Variants in MACROD2 observed in about 807,000 individuals in gnomAD.
The protein encoded by MACROD2 is ADP-ribose glycohydrolase MACROD2.
A neutral mutation model predicts 70.4 loss-of-function variants in MACROD2; 36 were observed. The ratio of observed to expected loss-of-function variants is 0.51; its 90% CI spans 0.39 to 0.68. The LOEUF is 0.68. MACROD2 is among the 30% of genes least tolerant of loss of function. The pLI is 0.00. For missense variants in MACROD2, 496 were observed against 538.4 expected (o/e 0.92, Z 0.78); for synonymous variants, 172 against 178.8 (o/e 0.96, Z 0.30).
At chr20:14,009,908 G>T (rs2052878077) in intron 2 of MACROD2, among the ~76,000 whole-genome samples, 1 of 152,188 alleles carries the variant, frequency 6.6e-6, no homozygotes, top group Non-Finnish European at 1.5e-5. Context: ...ACTTTTATGT[G>T]GGAGCAGAAT....
chr20:15,513,949 CCTAGG>C (rs1203029533), intron 8 of MACROD2, among the ~76,000 whole-genome samples: 2 of 152,004 alleles, frequency 1.3e-5, no homozygotes, highest in Non-Finnish European at 2.9e-5. Flanking sequence ...CTGATGTGGG[CCTAGG>C]CTAATGAGTG....
rs530517024 is a variant in MACROD2, at chr20:14,821,961, T to C, written c.418+137002T>C. The stretch of plus-strand genomic sequence containing the variant: ...CTACAAGTATAGTTGTTTTATTTCA[T>C]ACTTCTAAATGGATGTTTGATATTG... On this transcript the variant is annotated intron_variant, in intron 5 of 17. Transcript: ENST00000684519. Among the ~76,000 whole-genome samples, 115 of 152,230 alleles carry C rather than the reference T, an allele frequency of 7.6e-4. 2 individuals carry two copies. The highest frequency in any genetic ancestry group is 2.7e-3 in the African/African-American group (114 of 41,550).
chr20:14,603,223 G>A (rs1367153863), intron 4 of MACROD2, among the ~76,000 whole-genome samples: 3 of 152,108 alleles, frequency 2.0e-5, no homozygotes, highest in Admixed American at 2.0e-4. Context: ...TTAATAGCTT[G>A]TTATATACAG....
intron 5 of MACROD2, among the ~76,000 whole-genome samples, chr20:14,979,036 C>T (rs556184684): frequency 2.7e-5 from 4 of 150,332 alleles, no homozygotes; most frequent in Admixed American, 1.3e-4. Flanking sequence ...ACTGCAACCT[C>T]GGACTCCTGG....
chr20:15,511,382 AGTT>A (rs2047497359), intron 8 of MACROD2, among the ~76,000 whole-genome samples: 1 of 152,124 alleles, frequency 6.6e-6, no homozygotes, highest in African/African-American at 2.4e-5. Context: ...AAAGACTTTT[AGTT>A]GTTGTTGCTT....
intron 5 of MACROD2, among the ~76,000 whole-genome samples, chr20:14,756,888 C>T (rs142820616): frequency 4.6e-5 from 7 of 152,094 alleles, no homozygotes; most frequent in East Asian, 1.9e-4. Flanking sequence ...TGGGATCTGA[C>T]GGTCTTATAA....
chr20:14,423,683 G>C (rs576381004), intron 3 of MACROD2, among the ~76,000 whole-genome samples: 3 of 126,388 alleles, frequency 2.4e-5, no homozygotes, highest in South Asian at 2.9e-4. Flanking sequence ...CTGGACGACA[G>C]AGCGAGACTC....
intron 2 of MACROD2, among the ~76,000 whole-genome samples, chr20:14,020,987 CTTT>C (rs1163077387): frequency 1.8e-5 from 2 of 111,544 alleles, no homozygotes; most frequent in Non-Finnish European, 3.6e-5. Flanking sequence ...TTTGAATATT[CTTT>C]TTTTTTTTTT....
intron 3 of MACROD2, among the ~76,000 whole-genome samples, chr20:14,194,633 G>C (rs770726494): frequency 6.6e-6 from 1 of 152,158 alleles, no homozygotes; most frequent in Non-Finnish European, 1.5e-5. Context: ...CTTCCCCTGA[G>C]TCAGATGGAG....
At chr20:14,521,172 G>A (rs540728043) in intron 4 of MACROD2, among the ~76,000 whole-genome samples, 7 of 152,150 alleles carry the variant, frequency 4.6e-5, no homozygotes, top group Admixed American at 2.0e-4. Context: ...TTTCTAAAAT[G>A]TGCCCTTCCT....
At chr20:15,772,920 G>A (rs945957520) in intron 8 of MACROD2, among the ~76,000 whole-genome samples, 9 of 152,096 alleles carry the variant, frequency 5.9e-5, no homozygotes, top group African/African-American at 2.2e-4. Context: ...GATCTTGTGA[G>A]AACTCACTAT....
intron 3 of MACROD2, among the ~76,000 whole-genome samples, chr20:14,485,305 C>T (rs919918618): frequency 1.3e-5 from 2 of 152,134 alleles, no homozygotes; most frequent in African/African-American, 4.8e-5. Flanking sequence ...CATATTATTT[C>T]ATTAGTTAGA....
chr20:15,985,274 C>T (rs6131758), intron 13 of MACROD2, among the ~76,000 whole-genome samples: 14,856 of 152,048 alleles, frequency 0.098, 835 homozygotes, highest in African/African-American at 0.14. Flanking sequence ...AGACAAAGAA[C>T]GGGTATGGAG....
intron 3 of MACROD2, among the ~76,000 whole-genome samples, chr20:14,284,168 A>G (rs1267143019): frequency 6.6e-6 from 1 of 152,112 alleles, no homozygotes; most frequent in Non-Finnish European, 1.5e-5. Flanking sequence ...GTTGGGTTGG[A>G]CATGACTGCT....
intron 5 of MACROD2, among the ~76,000 whole-genome samples, chr20:14,927,298 T>A (rs1266556883): frequency 6.6e-6 from 1 of 152,160 alleles, no homozygotes; most frequent in Admixed American, 6.5e-5. Flanking sequence ...CTTGGTTGCA[T>A]GCTACAGAAT....
At chr20:14,188,231 T>G (rs1039763771) in intron 3 of MACROD2, among the ~76,000 whole-genome samples, 1 of 152,104 alleles carries the variant, frequency 6.6e-6, no homozygotes, top group African/African-American at 2.4e-5. Context: ...TGGGGCTAAA[T>G]CCTAGGAATA....
chr20:14,232,663 G>A (rs1342567285), intron 3 of MACROD2, among the ~76,000 whole-genome samples: 1 of 152,220 alleles, frequency 6.6e-6, no homozygotes, highest in Non-Finnish European at 1.5e-5. Flanking sequence ...TTAGGCTTTG[G>A]TTTAAGGGAA....
At chr20:15,064,957 AAAGTT>A (rs1392148365) in intron 5 of MACROD2, among the ~76,000 whole-genome samples, 4 of 152,204 alleles carry the variant, frequency 2.6e-5, no homozygotes, top group Admixed American at 2.6e-4. Flanking sequence ...CATATCACAT[AAAGTT>A]AAGTGTGCAC....
In MACROD2 at chr20:15,196,267, GA is replaced by G. The variant is rs58567238; in HGVS notation, c.419-33663del. Among the ~76,000 whole-genome samples, 1,325 of 142,688 alleles carry G rather than the reference GA, an allele frequency of 9.3e-3. 20 individuals carry two copies. The highest frequency in any genetic ancestry group is 0.073 in the East Asian group (357 of 4,902). 93.6% of individuals were successfully genotyped at this position (142,688 alleles called of 152,430 possible). A position where few individuals can be genotyped will look rare whatever the true frequency, so the allele number is the denominator to read the frequency against. On this transcript the variant is annotated intron_variant, in intron 5 of 17. Transcript: ENST00000684519. ...AAATAGAAGTTGAAGATTAAAAAAT[GA>G]AAAAAAAAAGAATTGATTTCAAAAA...
Sources: gnomAD v4.1 joint callset for allele counts (sites outside exome capture counted in the v4.1 genomes callset) on GRCh38, gnomAD v4.1.1 for gene constraint, MANE v1.5 for transcripts, NCBI Gene and HGNC (gene_info 2026-07-23, HGNC 2026-07-21) for gene names.